MYRIP: variants seen among roughly 807,000 people sequenced by gnomAD.
MYRIP encodes the protein myosin VIIA and Rab interacting protein.
A neutral mutation model predicts 98.0 loss-of-function variants in MYRIP; 49 were observed. The observed-to-expected ratio is 0.50, with a 90% CI of 0.40 to 0.63. The LOEUF (loss-of-function observed/expected upper bound fraction) is 0.63, where lower values mean the gene tolerates loss of function less well. Ranked by LOEUF, MYRIP falls within the 30% of genes least tolerant of loss-of-function variation. MYRIP has a pLI of 0.00. For missense variants in MYRIP, 1,004 were observed against 1,058.2 expected (o/e 0.95, Z 0.71); for synonymous variants, 404 against 409.5 (o/e 0.99, Z 0.16).
At chr3:39,839,308 A>G (rs1451303655) in intron 1 of MYRIP, among the ~76,000 whole-genome samples, 1 of 150,322 alleles carries the variant, frequency 6.7e-6, no homozygotes, top group Non-Finnish European at 1.5e-5. Context: ...TCCAGGATGG[A>G]GTGCAGTGGC....
intron 1 of MYRIP, among the ~76,000 whole-genome samples, chr3:39,898,278 T>G (rs1943662125): frequency 6.6e-6 from 1 of 152,140 alleles, no homozygotes; most frequent in Admixed American, 6.5e-5. Context: ...ATAAAATTTT[T>G]TAAAAAAATA....
chr3:39,846,137 A>G (rs986539203), intron 1 of MYRIP, among the ~76,000 whole-genome samples: 1 of 152,144 alleles, frequency 6.6e-6, no homozygotes, highest in Non-Finnish European at 1.5e-5. Context: ...AAGAGTTCCC[A>G]CTGTTCAGCA....
Position 39,875,504 on chromosome 3 carries a change from T to C in MYRIP, c.-30-25283T>C, listed in dbSNP as rs553615082. ...GTGCTATAAATTTCCCTCTACATCC[T>C]GCTTTGAATGCGTCCCAGAGATTCT... On this transcript the variant is annotated intron_variant, in intron 1 of 16. Coordinates refer to ENST00000302541, the MANE Select transcript of MYRIP (RefSeq NM_015460.4). 3.3e-5 allele frequency among the ~76,000 whole-genome samples: 5 copies of C among 152,166 alleles called. No homozygotes were observed. In the East Asian group the frequency reaches 9.6e-4, roughly 29 times the overall value.
chr3:39,930,926 G>T (rs1575389889), intron 2 of MYRIP, among the ~76,000 whole-genome samples: 1 of 151,976 alleles, frequency 6.6e-6, no homozygotes, highest in Non-Finnish European at 1.5e-5. Context: ...TTCTAACTTT[G>T]TAGTAAGTTT....
At position 39,886,285 on chromosome 3, in the gene MYRIP, G is replaced by A. The variant is rs12497806; in HGVS notation, c.-30-14502G>A. On this transcript the variant is annotated intron_variant, in intron 1 of 16. Transcript: ENST00000302541. Reference sequence around the variant, plus strand: ...CTAGGAAGAAACTGCATCAACTAACGAGCAAACTAACCAGCTAACATCATA... The same window carrying A: ...CTAGGAAGAAACTGCATCAACTAACAAGCAAACTAACCAGCTAACATCATA... Among the ~76,000 whole-genome samples the A allele has an allele frequency of 1.0e-2, 1,507 of 150,702 alleles. 57 individuals carry two copies. Among genetic ancestry groups the A allele is most frequent in the Admixed American group, 0.057 (857 of 15,142 alleles).
intron 2 of MYRIP, among the ~76,000 whole-genome samples, chr3:39,943,432 A>G (rs1417075543): frequency 6.6e-6 from 1 of 152,104 alleles, no homozygotes; most frequent in African/African-American, 2.4e-5. Context: ...GGAAGTGAAC[A>G]TCCCTGTGCT....
intron 3 of MYRIP, among the ~76,000 whole-genome samples, chr3:40,045,037 C>T (rs1469448657): frequency 2.0e-5 from 3 of 152,122 alleles, no homozygotes; most frequent in East Asian, 1.9e-4. Context: ...CATTGTGATT[C>T]GTATTTGCTG....
At position 39,889,047 on chromosome 3, in the gene MYRIP, G is replaced by A. The variant is rs569041827; in HGVS notation, c.-30-11740G>A. Among the ~76,000 whole-genome samples the A allele has an allele frequency of 1.1e-4, 16 of 152,184 alleles. No homozygotes were observed. The East Asian group carries it at 2.3e-3, about 22-fold the overall frequency. ...GGAAACAACAGGTGCTGGAGAGGAT[G>A]TGGAGAAATAGGAACACTTTTACAC... On this transcript the variant is annotated intron_variant, in intron 1 of 16. Transcript: ENST00000302541.
rs766622703 is a variant in MYRIP at position 39,963,862 on chromosome 3, C to G, written c.110+62936C>G. Among the ~76,000 whole-genome samples the G allele has an allele frequency of 1.5e-3, 227 of 152,082 alleles. 3 individuals carry two copies. Among genetic ancestry groups the G allele is most frequent in the Non-Finnish European group, 8.7e-4 (59 of 68,018 alleles). ...CATATTCATATTATATGTTAGAAAT[C>G]TACATTTGCAAAGATCAGCTAAGTT... On this transcript the variant is annotated intron_variant, in intron 2 of 16. Coordinates refer to ENST00000302541, the MANE Select transcript of MYRIP (RefSeq NM_015460.4).
intron 2 of MYRIP, among the ~76,000 whole-genome samples, chr3:39,941,345 C>A (rs1944779011): frequency 6.6e-6 from 1 of 151,928 alleles, no homozygotes; most frequent in African/African-American, 2.4e-5. Flanking sequence ...GGGCACTAAG[C>A]CATTCATGAA....
chr3:39,862,087 A>G (rs1432844108), intron 1 of MYRIP, among the ~76,000 whole-genome samples: 1 of 152,176 alleles, frequency 6.6e-6, no homozygotes, highest in East Asian at 1.9e-4. Context: ...AAAGCCAGAG[A>G]GAGAGAAGGG....
Position 40,167,237 on chromosome 3 carries a change from A to C in MYRIP, c.727A>C (p.Lys243Gln). 1.2e-6 allele frequency: 2 copies of C among 1,614,100 alleles called. No homozygotes were observed. The highest frequency in any genetic ancestry group is 1.7e-6 in the Non-Finnish European group (2 of 1,179,992). ...GGAACTGGCCACGACAATCCTGCAG[A>C]AGGTAGGTGGGTCCTGGCAGTGGGA... Reference protein sequence around the residue: ...TEELATTILQKIIRKQKSKSE... With the variant: ...TEELATTILQQIIRKQKSKSE... Residue 243 changes from lysine (K) to glutamine (Q), a missense_variant and splice_region_variant, in exon 7 of 17, where the codon AAG becomes CAG. By Grantham distance (53) the Lys-to-Gln change is moderately conservative. This residue lies in a region of MYRIP where 880 missense variants were observed against 907.7 expected (regional missense o/e 0.97). Coordinates refer to ENST00000302541, the MANE Select transcript of MYRIP (RefSeq NM_015460.4).
chr3:40,048,616 C>T (rs2371137), intron 3 of MYRIP, among the ~76,000 whole-genome samples: 41,796 of 151,906 alleles, frequency 0.28, 5,920 homozygotes, highest in East Asian at 0.42. Flanking sequence ...ATAACTTTAA[C>T]TTTCTTCTTT....
chr3:39,861,431 A>G lies in MYRIP; in HGVS notation c.-30-39356A>G, dbSNP rs572404848. Among the ~76,000 whole-genome samples the G allele has an allele frequency of 5.9e-5, 9 of 152,370 alleles. No individual in the cohort carries two copies. In the South Asian group the frequency reaches 1.4e-3, roughly 25 times the overall value. On this transcript the variant is annotated intron_variant, in intron 1 of 16. Transcript: ENST00000302541. ...AAGAACTCTGGCAAATCAAAAAACCAGAGTGTTTTCTTACCTCGCAACAAC... is the reference window on the plus strand; with the variant it reads ...AAGAACTCTGGCAAATCAAAAAACCGGAGTGTTTTCTTACCTCGCAACAAC...
intron 2 of MYRIP, among the ~76,000 whole-genome samples, chr3:39,971,642 A>G (rs1945586539): frequency 6.6e-6 from 1 of 152,064 alleles, no homozygotes; most frequent in African/African-American, 2.4e-5. Flanking sequence ...TAAGCTGACC[A>G]TGTGCTAATT....
At chr3:40,054,977 G>A (rs192660058) in intron 3 of MYRIP, among the ~76,000 whole-genome samples, 9 of 152,284 alleles carry the variant, frequency 5.9e-5, no homozygotes, top group African/African-American at 1.7e-4. Context: ...TTTTGGCCTT[G>A]GAGCAATTAG....
At chr3:39,857,638 C>A (rs1303478229) in intron 1 of MYRIP, among the ~76,000 whole-genome samples, 3 of 152,082 alleles carry the variant, frequency 2.0e-5, no homozygotes, top group Non-Finnish European at 4.4e-5. Context: ...ATTTTCAACT[C>A]TGATATAAGA....
Position 40,206,003 on chromosome 3 carries a change from G to A in MYRIP, c.1666-3851G>A, listed in dbSNP as rs77295362. Among the ~76,000 whole-genome samples the A allele has an allele frequency of 5.4e-3, 824 of 152,120 alleles. 3 individuals are homozygous for A. The highest frequency in any genetic ancestry group is 0.014 in the Middle Eastern group (4 of 294). Reference sequence around the variant, plus strand: ...TTATTCTTATCAGTATTTCTTAGCCGTTTGGAGGCATGGACCCCTGTGAAA... The same window carrying A: ...TTATTCTTATCAGTATTTCTTAGCCATTTGGAGGCATGGACCCCTGTGAAA... On this transcript the variant is annotated intron_variant, in intron 10 of 16. Coordinates refer to ENST00000302541, the MANE Select transcript of MYRIP (RefSeq NM_015460.4).
intron 16 of MYRIP, among the ~76,000 whole-genome samples, chr3:40,253,624 GA>G (rs1421858978): frequency 6.6e-6 from 1 of 152,120 alleles, no homozygotes; most frequent in Non-Finnish European, 1.5e-5. Context: ...AATACACATT[GA>G]CCCAATAATT....
Sources: allele counts gnomAD v4.1 joint callset (sites outside exome capture counted in the v4.1 genomes callset), GRCh38; gene constraint gnomAD v4.1.1; regional missense constraint gnomAD v4.1.1; transcripts MANE v1.5; gene names NCBI Gene and HGNC (gene_info 2026-07-23, HGNC 2026-07-21).